The following TTC29 variants were observed in gnomAD, a reference collection of about 807,000 sequenced individuals.
The protein encoded by TTC29 is tetratricopeptide repeat domain 29, also known as tetratricopeptide repeat protein 29.
TTC29 carries 49 observed loss-of-function variants against 58.1 expected under a neutral mutation model. That is an observed-to-expected ratio of 0.84 (90% CI 0.67 to 1.07). TTC29 has a LOEUF of 1.07. Among genes scored for constraint, TTC29 ranks in the 50% least tolerant of loss-of-function variants. The pLI is 0.00. For missense variants in TTC29, 582 were observed against 555.6 expected (o/e 1.05, Z -0.48); for synonymous variants, 209 against 196.8 (o/e 1.06, Z -0.52).
At chr4:146,912,988 G>C (rs1484620606) in intron 4 of TTC29, among the ~76,000 whole-genome samples, 1 of 152,150 alleles carries the variant, frequency 6.6e-6, no homozygotes, top group East Asian at 1.9e-4. Context: ...GAACACGAAA[G>C]GATGAACAGG....
chr4:146,815,608 A>G (rs1177330631), intron 10 of TTC29, among the ~76,000 whole-genome samples: 1 of 152,242 alleles, frequency 6.6e-6, no homozygotes. Flanking sequence ...AGAGGAGCTC[A>G]TAGATTAAAA....
intron 5 of TTC29, among the ~76,000 whole-genome samples, chr4:146,906,231 T>C (rs2150277634): frequency 6.6e-6 from 1 of 152,254 alleles, no homozygotes; most frequent in South Asian, 2.1e-4. Flanking sequence ...AAGAAATGAT[T>C]GGCTTACTTT....
intron 11 of TTC29, among the ~76,000 whole-genome samples, chr4:146,734,319 G>A (rs1285697541): frequency 6.6e-6 from 1 of 152,096 alleles, no homozygotes; most frequent in African/African-American, 2.4e-5. Context: ...TTTCCTGGAG[G>A]ATGGTGCACC....
intron 11 of TTC29, among the ~76,000 whole-genome samples, chr4:146,722,844 T>C (rs1302579690): frequency 6.6e-6 from 1 of 152,078 alleles, no homozygotes; most frequent in African/African-American, 2.4e-5. Context: ...ATTACAGGTA[T>C]GCACCGCCAT....
At chr4:146,909,410 T>C (rs2150283988) in intron 4 of TTC29, among the ~76,000 whole-genome samples, 161 bp from the exon 5 acceptor site, 1 of 152,294 alleles carries the variant, frequency 6.6e-6, no homozygotes, top group East Asian at 1.9e-4. Context: ...CACTTATAAT[T>C]GAACAACTTC....
chr4:146,717,664 A>T (rs374756478), intron 11 of TTC29, among the ~76,000 whole-genome samples: 70 of 152,212 alleles, frequency 4.6e-4, no homozygotes, highest in Middle Eastern at 6.8e-3. Context: ...TGATGTTATG[A>T]TCTATGAATA....
At chr4:146,915,211 T>TTTC (rs1734142631) in intron 4 of TTC29, among the ~76,000 whole-genome samples, 1 of 152,176 alleles carries the variant, frequency 6.6e-6, no homozygotes, top group African/African-American at 2.4e-5. Context: ...ATTCTTCCCA[T>TTTC]TTCCCTACAT....
chr4:146,808,881 A>T (rs1750812077), intron 10 of TTC29, among the ~76,000 whole-genome samples: 1 of 151,902 alleles, frequency 6.6e-6, no homozygotes, highest in Non-Finnish European at 1.5e-5. Flanking sequence ...TTTAGAAAAA[A>T]TTACTTTAAA....
chr4:146,714,853 T>C (rs1742809669), intron 11 of TTC29, among the ~76,000 whole-genome samples: 1 of 152,088 alleles, frequency 6.6e-6, no homozygotes, highest in Non-Finnish European at 1.5e-5. Flanking sequence ...AGGGGAGAAA[T>C]GGAAGGATGT....
At chr4:146,831,769 A>C (rs1488290885) in intron 9 of TTC29, 1 of 447,802 alleles carries the variant, frequency 2.2e-6, no homozygotes, top group South Asian at 1.6e-5. Context: ...AAGAGGTGAG[A>C]ATTATTTGAA....
Position 146,776,951 on chromosome 4 carries a change from G to A in TTC29, c.1330+26506C>T, listed in dbSNP as rs533361367. 3.3e-5 allele frequency among the ~76,000 whole-genome samples: 5 copies of A among 152,278 alleles called. 1 individual carries two copies. In the East Asian group the frequency reaches 9.7e-4, roughly 29 times the overall value. On this transcript the variant is annotated intron_variant, in intron 11 of 12. Coordinates refer to ENST00000325106, the MANE Select transcript of TTC29 (RefSeq NM_031956.4). ...CCATGTTTGTACTGGTGACGGAATT[G>A]GAACAGAGAGGCAGGGCCACTGGTA...
chr4:146,859,081 G>A (rs1374027907), intron 8 of TTC29, among the ~76,000 whole-genome samples: 2 of 152,028 alleles, frequency 1.3e-5, no homozygotes, highest in Non-Finnish European at 1.5e-5. Context: ...CATATTAAAC[G>A]GGCCCCAACT....
At chr4:146,873,421 G>A (rs555195669) in intron 7 of TTC29, among the ~76,000 whole-genome samples, 65 of 152,306 alleles carry the variant, frequency 4.3e-4, no homozygotes, top group African/African-American at 1.4e-3. Context: ...CTCCTGATCT[G>A]ATCTTTGGTA....
chr4:146,803,623 C>T lies in TTC29; in HGVS notation c.1164G>A (p.Met388Ile). 6.2e-7 allele frequency: 1 copy of T among 1,609,602 alleles called. No homozygotes were observed. ...TTGTCTCATCCATCAGAGGCATGCTCATTAGCTCTACTGTTGTGTCAAAAG... is the reference window on the plus strand; with the variant it reads ...TTGTCTCATCCATCAGAGGCATGCTTATTAGCTCTACTGTTGTGTCAAAAG... The part of the protein sequence containing the change: ...QQAFDTTVEL[M>I]SMPLMDETKV... The change falls in exon 11 of 13, where the codon ATG (methionine) becomes ATA (isoleucine). Residue 388 changes from methionine to isoleucine, a missense_variant. By Grantham distance (10) the Met-to-Ile change is conservative (BLOSUM62 1). Coordinates refer to ENST00000325106, the MANE Select transcript of TTC29 (RefSeq NM_031956.4).
intron 11 of TTC29, among the ~76,000 whole-genome samples, chr4:146,792,403 T>A (rs1018020587): frequency 1.3e-5 from 2 of 152,194 alleles, no homozygotes; most frequent in African/African-American, 4.8e-5. Flanking sequence ...GTAGCATGGT[T>A]TACTTAATAT....
At chr4:146,865,836 T>C (rs1308671257) in intron 8 of TTC29, among the ~76,000 whole-genome samples, 3 of 152,170 alleles carry the variant, frequency 2.0e-5, no homozygotes. Context: ...TCCCAATATA[T>C]AGATATATCA....
intron 11 of TTC29, among the ~76,000 whole-genome samples, chr4:146,790,138 CT>C (rs1223466789): frequency 1.3e-5 from 2 of 152,086 alleles, no homozygotes; most frequent in African/African-American, 4.8e-5. Flanking sequence ...TCCTCAAAAC[CT>C]TCTATTTAAA....
intron 10 of TTC29, among the ~76,000 whole-genome samples, chr4:146,814,568 A>T (rs1267038113): frequency 6.6e-6 from 1 of 152,102 alleles, no homozygotes; most frequent in Non-Finnish European, 1.5e-5. Flanking sequence ...TCTACTAAAA[A>T]TACAAAAATT....
At chr4:146,830,531 T>C (rs1253320048) in intron 9 of TTC29, among the ~76,000 whole-genome samples, 1 of 152,196 alleles carries the variant, frequency 6.6e-6, no homozygotes, top group African/African-American at 2.4e-5. Flanking sequence ...CCTTTAAAGA[T>C]ATAAAATATA....
Sources: allele counts gnomAD v4.1 joint callset (sites outside exome capture counted in the v4.1 genomes callset), GRCh38; gene constraint gnomAD v4.1.1; transcripts MANE v1.5; gene names NCBI Gene and HGNC (gene_info 2026-07-23, HGNC 2026-07-21).